The following RGS6 variants were observed in gnomAD, a reference collection of about 807,000 sequenced individuals.
The protein encoded by RGS6 is regulator of G-protein signaling 6.
RGS6 carries 30 observed loss-of-function variants against 78.5 expected under a neutral mutation model. That is an observed-to-expected ratio of 0.38 (90% CI 0.29 to 0.52). RGS6 has a LOEUF of 0.52. RGS6 is among the 20% of genes least tolerant of loss of function. The pLI is 0.85. For missense variants in RGS6, 495 were observed against 609.7 expected, an observed-to-expected ratio of 0.81 and a Z score of 1.98; for synonymous variants, 206 against 206.0, an observed-to-expected ratio of 1.00 and a Z score of 0.00.
chr14:71,930,421 C>T (rs767972735), upstream of RGS6, among the ~76,000 whole-genome samples: 1 of 152,110 alleles, frequency 6.6e-6, no homozygotes, highest in Non-Finnish European at 1.5e-5. Context: ...ATACCCCCCA[C>T]ATACATACAC....
At chr14:72,226,276 G>T (rs1347488131) in intron 2 of RGS6, among the ~76,000 whole-genome samples, 1 of 152,152 alleles carries the variant, frequency 6.6e-6, no homozygotes, top group African/African-American at 2.4e-5. Flanking sequence ...GCCTTCAAAA[G>T]CAGTATTTTT....
At chr14:72,188,263 T>G (rs2097274694) in intron 2 of RGS6, among the ~76,000 whole-genome samples, 1 of 152,196 alleles carries the variant, frequency 6.6e-6, no homozygotes, top group Non-Finnish European at 1.5e-5. Flanking sequence ...AACAAAGTTA[T>G]GTATTTATCA....
chr14:72,473,384 CA>C (rs2153330837), intron 9 of RGS6, among the ~76,000 whole-genome samples: 1 of 152,270 alleles, frequency 6.6e-6, no homozygotes, highest in Admixed American at 6.5e-5. Context: ...GCGGAGCTTG[CA>C]GTGAGCCGAG....
intron 2 of RGS6, among the ~76,000 whole-genome samples, chr14:72,114,991 A>G (rs557785979): frequency 6.6e-6 from 1 of 152,366 alleles, no homozygotes; most frequent in African/African-American, 2.4e-5. Context: ...CTATGTAAGT[A>G]CGGCTCCTTT....
At chr14:72,069,126 CA>C (rs1322241958) in intron 2 of RGS6, among the ~76,000 whole-genome samples, 1 of 151,990 alleles carries the variant, frequency 6.6e-6, no homozygotes, top group Non-Finnish European at 1.5e-5. Flanking sequence ...TGCATGCCAC[CA>C]CGCCTGGCTA....
chr14:72,464,414 G>T (rs2095851337), intron 6 of RGS6, among the ~76,000 whole-genome samples: 1 of 152,138 alleles, frequency 6.6e-6, no homozygotes, highest in African/African-American at 2.4e-5. Flanking sequence ...CACACAATTC[G>T]CCGGGTGGAA....
In RGS6 at chr14:72,140,842, CTG is replaced by C. The variant is rs148552249; in HGVS notation, c.84+175970_84+175971del. On this transcript the variant is annotated intron_variant, in intron 2 of 17. Coordinates refer to ENST00000553525, the MANE Select transcript of RGS6 (RefSeq NM_001204424.2). Reference sequence around the variant, plus strand: ...GGATGCGGGCAAGCCAGGCACAGAACTGTGAGGGTCCTTGCAATGGGCTGCTG... The same window carrying C: ...GGATGCGGGCAAGCCAGGCACAGAACTGAGGGTCCTTGCAATGGGCTGCTG... Among the ~76,000 whole-genome samples the C allele has an allele frequency of 7.6e-3, 1,155 of 152,350 alleles. 13 individuals carry two copies. The highest frequency in any genetic ancestry group is 0.027 in the African/African-American group (1,103 of 41,572).
intron 17 of RGS6, chr14:72,541,516 C>A: frequency 6.5e-7 from 1 of 1,535,734 alleles, no homozygotes; most frequent in Non-Finnish European, 8.7e-7. Context: ...ATCTTCATGG[C>A]TGCTTTGCCA....
At position 71,982,048 on chromosome 14, in the gene RGS6, T is replaced by G. The variant is rs540252087; in HGVS notation, c.84+17173T>G. 3.9e-4 allele frequency among the ~76,000 whole-genome samples: 59 copies of G among 152,364 alleles called. 1 individual carries two copies. The highest frequency in any genetic ancestry group is 1.3e-3 in the African/African-American group (56 of 41,592). ...TATTCGGGTGGGAGTGACCCGATTT[T>G]CCAGGTGCCCTCCGTCACCCCTTTC... On this transcript the variant is annotated intron_variant, in intron 2 of 17. Coordinates refer to ENST00000553525, the MANE Select transcript of RGS6 (RefSeq NM_001204424.2).
chr14:72,504,051 T>A (rs1336870221), intron 13 of RGS6, among the ~76,000 whole-genome samples: 1 of 152,252 alleles, frequency 6.6e-6, no homozygotes, highest in Admixed American at 6.5e-5. Flanking sequence ...CCTTTAAAAC[T>A]GTTCTGCTCT....
At position 71,937,351 on chromosome 14, in the gene RGS6, T is replaced by C. The variant is rs187407267; in HGVS notation, c.-21+4410T>C. On this transcript the variant is annotated intron_variant, in intron 1 of 17. Coordinates refer to ENST00000553525, the MANE Select transcript of RGS6 (RefSeq NM_001204424.2). ...GAACAGGAAGCAAAAATTTTGCTAG[T>C]GGATCAGTAGGGGTGATGGTGAGTG... Among the ~76,000 whole-genome samples the C allele has an allele frequency of 3.8e-3, 578 of 152,272 alleles. 1 individual carries two copies. The highest frequency in any genetic ancestry group is 0.013 in the African/African-American group (550 of 41,564).
chr14:72,027,148 T>C (rs1274542375), intron 2 of RGS6, among the ~76,000 whole-genome samples: 1 of 151,794 alleles, frequency 6.6e-6, no homozygotes, highest in Non-Finnish European at 1.5e-5. Context: ...TGGTCAGGAT[T>C]TGGGATTTTG....
chr14:72,129,600 G>A (rs779786047), intron 2 of RGS6, among the ~76,000 whole-genome samples: 1 of 152,194 alleles, frequency 6.6e-6, no homozygotes, highest in Non-Finnish European at 1.5e-5. Flanking sequence ...CTGGAACTGA[G>A]GTTTCCGGTG....
chr14:72,254,599 C>G lies in RGS6; in HGVS notation c.85-97496C>G, dbSNP rs113079184. On this transcript the variant is annotated intron_variant, in intron 2 of 17. Transcript: ENST00000553525. ...TTGTCCAATTTTAGCCTACTGGGAA[C>G]CCCTCTGCAGCTACTCTGATCACCA... Among the ~76,000 whole-genome samples, 1,190 of 152,190 alleles carry G rather than the reference C, an allele frequency of 7.8e-3. 16 individuals carry two copies. The highest frequency in any genetic ancestry group is 0.027 in the African/African-American group (1,126 of 41,518).
chr14:72,060,989 A>G (rs1330502839), intron 2 of RGS6, among the ~76,000 whole-genome samples: 1 of 152,116 alleles, frequency 6.6e-6, no homozygotes, highest in African/African-American at 2.4e-5. Context: ...ATTATTCAAG[A>G]CCTGTAAGGG....
intron 2 of RGS6, among the ~76,000 whole-genome samples, chr14:72,057,302 A>G (rs2093663808): frequency 8.2e-6 from 1 of 122,438 alleles, no homozygotes; most frequent in African/African-American, 3.2e-5. Context: ...TGACAGAGTG[A>G]GACTCTATCT....
intron 1 of RGS6, among the ~76,000 whole-genome samples, chr14:71,948,026 G>A (rs1019551077): frequency 4.6e-5 from 7 of 152,140 alleles, no homozygotes; most frequent in Non-Finnish European, 8.8e-5. Flanking sequence ...CAAGTATCTC[G>A]AGCAGAAATA....
intron 2 of RGS6, among the ~76,000 whole-genome samples, chr14:72,226,139 C>T (rs948589237): frequency 1.3e-5 from 2 of 152,150 alleles, no homozygotes; most frequent in Non-Finnish European, 2.9e-5. Context: ...ATCTATAGCC[C>T]ATGTCCACCC....
the RGS6 span, among the ~76,000 whole-genome samples, chr14:72,599,994 A>G: frequency 6.6e-6 from 1 of 151,970 alleles, no homozygotes; most frequent in African/African-American, 2.4e-5. Context: ...GACGGCAGGG[A>G]GGGAGGGCCT....
Sources: allele counts gnomAD v4.1 joint callset (sites outside exome capture counted in the v4.1 genomes callset), GRCh38; gene constraint gnomAD v4.1.1; transcripts MANE v1.5; gene names NCBI Gene and HGNC (gene_info 2026-07-23, HGNC 2026-07-21).